The following STPG2 variants were observed in gnomAD, a reference collection of about 807,000 sequenced individuals.
The protein encoded by STPG2 is sperm tail PG-rich repeat containing 2, also known as sperm-tail PG-rich repeat-containing protein 2.
Under a neutral mutation model 54.2 loss-of-function variants are expected in STPG2, and 56 were observed. The ratio of observed to expected loss-of-function variants is 1.03; its 90% CI spans 0.83 to 1.29. The LOEUF is 1.29. STPG2 is among the 50% of genes most tolerant of loss of function. The pLI, the probability that STPG2 is intolerant of heterozygous loss-of-function variation, is 0.00. For missense variants in STPG2, 596 were observed against 544.9 expected, an observed-to-expected ratio of 1.09 and a Z score of -0.93; for synonymous variants, 200 against 181.8, an observed-to-expected ratio of 1.10 and a Z score of -0.81.
intron 10 of STPG2, among the ~76,000 whole-genome samples, chr4:97,664,474 C>T (rs1377971026): frequency 6.6e-6 from 1 of 152,146 alleles, no homozygotes; most frequent in Non-Finnish European, 1.5e-5. Context: ...GCTAAAGCTC[C>T]AGAGTTCTTT....
intron 3 of STPG2, among the ~76,000 whole-genome samples, chr4:98,117,795 T>C (rs1284997013): frequency 6.6e-6 from 1 of 152,098 alleles, no homozygotes; most frequent in Non-Finnish European, 1.5e-5. Flanking sequence ...TCTATCTCTT[T>C]ATTGATGCTC....
At chr4:97,883,567 A>G (rs1276357568) in intron 8 of STPG2, among the ~76,000 whole-genome samples, 3 of 152,192 alleles carry the variant, frequency 2.0e-5, no homozygotes, top group Non-Finnish European at 2.9e-5. Context: ...ACATGAAATT[A>G]TAAACAAAAC....
At chr4:98,097,734 C>CA (rs1398826618) in intron 5 of STPG2, among the ~76,000 whole-genome samples, 2 of 151,982 alleles carry the variant, frequency 1.3e-5, no homozygotes, top group African/African-American at 4.8e-5. Flanking sequence ...CCTAAAGACT[C>CA]CACAAAAAAA....
intron 8 of STPG2, among the ~76,000 whole-genome samples, chr4:97,891,677 AT>A (rs1730774813): frequency 6.6e-6 from 1 of 152,126 alleles, no homozygotes; most frequent in African/African-American, 2.4e-5. Flanking sequence ...TAGAAAAAAA[AT>A]CTTAAAGAAA....
intron 8 of STPG2, among the ~76,000 whole-genome samples, chr4:97,875,289 C>T (rs563719393): frequency 5.6e-4 from 85 of 151,774 alleles, no homozygotes; most frequent in Non-Finnish European, 9.7e-4. Context: ...TTTTCCATAG[C>T]GGCTATACAT....
chr4:97,762,828 G>A (rs1186848838), intron 9 of STPG2, among the ~76,000 whole-genome samples: 1 of 151,996 alleles, frequency 6.6e-6, no homozygotes, highest in African/African-American at 2.4e-5. Flanking sequence ...AAAATTATAT[G>A]GCTAAAAAAG....
At position 98,095,978 on chromosome 4, in the gene STPG2, G is replaced by A. The variant is rs1002557431; in HGVS notation, c.612+9975C>T. Among the ~76,000 whole-genome samples the A allele has an allele frequency of 3.3e-5, 5 of 152,018 alleles. No homozygotes were observed. The South Asian group carries it at 1.0e-3, about 32-fold the overall frequency. On this transcript the variant is annotated intron_variant, in intron 5 of 10. Coordinates refer to ENST00000295268, the MANE Select transcript of STPG2 (RefSeq NM_174952.3). ...ATCAAGTATTTTCTCTGACAACAAT[G>A]GAATAAAACTGGAAATAAATAACAA...
At chr4:97,513,565 T>A (rs573583328) in intron 4 of STPG2, among the ~76,000 whole-genome samples, 1 of 152,128 alleles carries the variant, frequency 6.6e-6, no homozygotes, top group African/African-American at 2.4e-5. Flanking sequence ...ACTCCAGAGA[T>A]CCCAAGGGTT....
intron 9 of STPG2, among the ~76,000 whole-genome samples, chr4:97,825,265 T>C (rs1011135805): frequency 6.6e-6 from 1 of 152,180 alleles, no homozygotes; most frequent in Non-Finnish European, 1.5e-5. Flanking sequence ...ACTTTAACTT[T>C]TGGGGGTGTC....
intron 8 of STPG2, among the ~76,000 whole-genome samples, chr4:97,938,516 C>T (rs1258634388): frequency 6.6e-6 from 1 of 151,774 alleles, no homozygotes; most frequent in Non-Finnish European, 1.5e-5. Flanking sequence ...CCTGCAGGAA[C>T]TCTTAGCCAG....
chr4:97,776,856 G>A (rs1465155432), intron 9 of STPG2, among the ~76,000 whole-genome samples: 2 of 152,090 alleles, frequency 1.3e-5, no homozygotes, highest in African/African-American at 4.8e-5. Flanking sequence ...TCAGTATAGT[G>A]GGATTTGAAG....
At chr4:97,998,926 GA>G (rs1456646264) in intron 5 of STPG2, among the ~76,000 whole-genome samples, 13 of 152,278 alleles carry the variant, frequency 8.5e-5, no homozygotes, top group Admixed American at 7.2e-4. Context: ...AGAGAGGGGA[GA>G]AAAAGTTCAC....
intron 10 of STPG2, among the ~76,000 whole-genome samples, chr4:97,563,880 A>AGGTGT (rs1732337389): frequency 6.6e-6 from 1 of 151,034 alleles, no homozygotes; most frequent in Admixed American, 6.6e-5. Flanking sequence ...ATTTTGGAAT[A>AGGTGT]GGTGTGGTGC....
At chr4:98,045,383 G>T (rs1737093691) in intron 5 of STPG2, among the ~76,000 whole-genome samples, 1 of 151,948 alleles carries the variant, frequency 6.6e-6, no homozygotes, top group South Asian at 2.1e-4. Context: ...TTTTTTTGGT[G>T]GGAAGAGAGA....
intron 9 of STPG2, among the ~76,000 whole-genome samples, chr4:97,840,026 T>C (rs1728747989): frequency 6.6e-6 from 1 of 151,612 alleles, no homozygotes; most frequent in African/African-American, 2.4e-5. Flanking sequence ...CTTATCTTCA[T>C]TTCCAGCAAG....
intron 7 of STPG2, among the ~76,000 whole-genome samples, chr4:97,959,847 T>C (rs1417007988): frequency 1.3e-5 from 2 of 152,042 alleles, no homozygotes; most frequent in Non-Finnish European, 2.9e-5. Context: ...AATCATTCTA[T>C]AAAGCCAGTA....
intron 4 of STPG2, among the ~76,000 whole-genome samples, chr4:97,483,048 C>G (rs527904494): frequency 2.6e-4 from 40 of 151,774 alleles, no homozygotes; most frequent in Middle Eastern, 3.4e-3. Context: ...ACAAGAACTG[C>G]TAAAAGAAAC....
intron 8 of STPG2, among the ~76,000 whole-genome samples, chr4:97,856,050 T>A (rs773697773): frequency 6.6e-6 from 1 of 152,168 alleles, no homozygotes; most frequent in Non-Finnish European, 1.5e-5. Flanking sequence ...ATCAGTACCA[T>A]GATATTTTGG....
intron 10 of STPG2, among the ~76,000 whole-genome samples, chr4:97,634,180 G>C (rs931576081): frequency 6.6e-6 from 1 of 152,160 alleles, no homozygotes; most frequent in Non-Finnish European, 1.5e-5. Context: ...GTGGGTCCCT[G>C]ACCCCTGACC....
Sources: allele counts gnomAD v4.1 joint callset (sites outside exome capture counted in the v4.1 genomes callset), GRCh38; gene constraint gnomAD v4.1.1; transcripts MANE v1.5; gene names NCBI Gene and HGNC (gene_info 2026-07-23, HGNC 2026-07-21).